Variants in CFAP47 observed in about 807,000 individuals in gnomAD.
CFAP47 encodes the protein cilia and flagella associated protein 47, also known as cilia- and flagella-associated protein 47.
Under a neutral mutation model 148.1 loss-of-function variants are expected in CFAP47, and 29 were observed. That is an observed-to-expected ratio of 0.20 (90% confidence interval 0.15 to 0.27). CFAP47 has a LOEUF of 0.27. Among genes scored for constraint, CFAP47 ranks in the 10% least tolerant of loss-of-function variants. The pLI, the probability that CFAP47 is intolerant of heterozygous loss-of-function variation, is 1.00. For synonymous variants in CFAP47, 664 were observed against 577.3 expected (o/e 1.15, Z -2.15); for missense variants, 1,872 against 1,697.5 (o/e 1.10, Z -1.81).
At chrX:36,371,008 AT>A (rs1360686342) in intron 62 of CFAP47, among the ~76,000 whole-genome samples, 2 of 111,202 alleles carry the variant, frequency 1.8e-5, no homozygotes, top group Non-Finnish European at 3.8e-5. Context: ...TCCAGGGGTA[AT>A]TTTAAACATA....
chrX:36,287,165 A>C (rs1941142416), intron 51 of CFAP47, among the ~76,000 whole-genome samples: 1 of 112,077 alleles, frequency 8.9e-6, no homozygotes, highest in Non-Finnish European at 1.9e-5. Flanking sequence ...AGAAATTTCA[A>C]ATATGTTTTC....
chrX:36,096,308 A>T (rs1417376656), intron 30 of CFAP47, among the ~76,000 whole-genome samples: 2 of 111,500 alleles, frequency 1.8e-5, no homozygotes, highest in Admixed American at 1.9e-4. Context: ...TGCTGAGGAA[A>T]ACAGTAGGTA....
intron 22 of CFAP47, among the ~76,000 whole-genome samples, chrX:36,022,214 C>T (rs898511095): frequency 1.8e-5 from 2 of 111,701 alleles, no homozygotes; most frequent in Non-Finnish European, 3.8e-5. Flanking sequence ...GTCTTCATTT[C>T]TCCTTCATGT....
intron 56 of CFAP47, among the ~76,000 whole-genome samples, chrX:36,311,192 A>C (rs1556009926): frequency 1.8e-5 from 2 of 111,181 alleles, no homozygotes; most frequent in African/African-American, 6.5e-5. Context: ...TCAGAATTAG[A>C]TAACTATATA....
At chrX:35,933,073 A>C (rs1423145245) in intron 2 of CFAP47, among the ~76,000 whole-genome samples, 1 of 112,304 alleles carries the variant, frequency 8.9e-6, no homozygotes, top group Non-Finnish European at 1.9e-5. Flanking sequence ...CAAATAATTC[A>C]GTTACAGTCT....
chrX:36,081,412 A>G (rs1244124565), intron 29 of CFAP47, among the ~76,000 whole-genome samples: 1 of 111,549 alleles, frequency 9.0e-6, no homozygotes, highest in East Asian at 2.8e-4. Context: ...TCTACCAGAT[A>G]TTCAAAGAAG....
At position 36,159,595 on chromosome X, in the gene CFAP47, C is replaced by G. The variant is rs1026529809; in HGVS notation, c.5937+19C>G. 9 of 294,065 alleles carry G rather than the reference C, an allele frequency of 3.1e-5. No individual in the cohort carries two copies. In the Admixed American group the frequency reaches 3.1e-4, roughly 10 times the overall value. The allele number at this position is 294,065 out of a possible 1,213,427, so 24.2% of individuals were successfully genotyped here. ...AGCCATTGTAAGTAAATTTTACCTACGATGTCTTTGCTTCTCTTATCAGAC... is the reference window on the plus strand; with the variant it reads ...AGCCATTGTAAGTAAATTTTACCTAGGATGTCTTTGCTTCTCTTATCAGAC... On this transcript the variant is annotated intron_variant, in intron 38 of 63. Transcript: ENST00000378653.
At chrX:36,058,331 T>C (rs1015052630) in intron 26 of CFAP47, among the ~76,000 whole-genome samples, 2 of 112,220 alleles carry the variant, frequency 1.8e-5, no homozygotes, top group Non-Finnish European at 3.8e-5. Flanking sequence ...GAGTATATAA[T>C]GACATTTGTA....
At chrX:35,970,998 G>T in intron 11 of CFAP47, 75 bp downstream of exon 11, 1 of 824,008 alleles carries the variant, frequency 1.2e-6, no homozygotes, top group East Asian at 3.6e-5. Flanking sequence ...TTAACTCCTT[G>T]GTTTCTTTTT....
At chrX:36,091,458 A>G (rs1242177265) in intron 30 of CFAP47, among the ~76,000 whole-genome samples, 1 of 111,604 alleles carries the variant, frequency 9.0e-6, no homozygotes, top group African/African-American at 3.2e-5. Flanking sequence ...ACATCATCTC[A>G]TTGCATTTCT....
At chrX:36,222,997 C>T (rs1416526752) in intron 45 of CFAP47, among the ~76,000 whole-genome samples, 1 of 110,613 alleles carries the variant, frequency 9.0e-6, no homozygotes, top group Non-Finnish European at 1.9e-5. Context: ...ATGCTGTACT[C>T]AGGATAGTGA....
intron 9 of CFAP47, among the ~76,000 whole-genome samples, chrX:35,967,286 T>G (rs1936420909): frequency 9.0e-6 from 1 of 111,696 alleles, no homozygotes; most frequent in South Asian, 3.7e-4. Context: ...TTTATCTAAT[T>G]CCTCATTATC....
chrX:36,007,875 C>T (rs1216992985), intron 21 of CFAP47, among the ~76,000 whole-genome samples: 1 of 111,248 alleles, frequency 9.0e-6, no homozygotes, highest in African/African-American at 3.3e-5. Flanking sequence ...AGAAAGGCTT[C>T]ATACTTAAAA....
At chrX:36,214,295 G>A (rs1555989884) in intron 45 of CFAP47, among the ~76,000 whole-genome samples, 1 of 111,517 alleles carries the variant, frequency 9.0e-6, no homozygotes, top group Admixed American at 9.6e-5. Context: ...TACCTGTACA[G>A]GATACTTACC....
At chrX:35,936,874 G>C (rs1935922241) in intron 2 of CFAP47, among the ~76,000 whole-genome samples, 1 of 109,111 alleles carries the variant, frequency 9.2e-6, no homozygotes, top group South Asian at 4.0e-4. Flanking sequence ...TCTTGATAGA[G>C]GAGAAATGTG....
intron 39 of CFAP47, among the ~76,000 whole-genome samples, chrX:36,172,995 C>A (rs1187686863): frequency 9.0e-6 from 1 of 110,775 alleles, no homozygotes; most frequent in Non-Finnish European, 1.9e-5. Context: ...TTGGTCTATT[C>A]AGAGATTCAA....
chrX:36,172,440 A>G (rs1409897038), intron 39 of CFAP47, among the ~76,000 whole-genome samples: 1 of 107,949 alleles, frequency 9.3e-6, no homozygotes, highest in Non-Finnish European at 1.9e-5. Context: ...TGGGTTTGTC[A>G]TAGATAGCTC....
chrX:36,180,562 G>A (rs1206220390), intron 40 of CFAP47, among the ~76,000 whole-genome samples: 2 of 112,074 alleles, frequency 1.8e-5, no homozygotes, highest in African/African-American at 3.2e-5. Flanking sequence ...ATTAGAAACC[G>A]TTAAAGTGCT....
chrX:36,037,614 A>G (rs1274501614), intron 24 of CFAP47, among the ~76,000 whole-genome samples: 1 of 111,106 alleles, frequency 9.0e-6, no homozygotes, highest in Non-Finnish European at 1.9e-5. Context: ...CTCTCAGCTT[A>G]AAAAGGGTAT....
Sources: allele counts gnomAD v4.1 joint callset (sites outside exome capture counted in the v4.1 genomes callset), GRCh38; gene constraint gnomAD v4.1.1; transcripts MANE v1.5; gene names NCBI Gene and HGNC (gene_info 2026-07-23, HGNC 2026-07-21).